Variants in CRTAM observed in about 807,000 individuals in gnomAD.
The protein encoded by CRTAM is cytotoxic and regulatory T-cell molecule.
Under a neutral mutation model 50.0 loss-of-function variants are expected in CRTAM, and 44 were observed. That is an observed-to-expected ratio of 0.88 (90% CI 0.69 to 1.13). CRTAM has a LOEUF of 1.13. Among genes scored for constraint, CRTAM ranks in the 50% most tolerant of loss-of-function variants. The pLI is 0.00. For missense variants in CRTAM, 448 were observed against 457.5 expected, an observed-to-expected ratio of 0.98 and a Z score of 0.19; for synonymous variants, 159 against 169.3, an observed-to-expected ratio of 0.94 and a Z score of 0.47.
At chr11:122,850,794 G>A (rs1861920710) in intron 2 of CRTAM, among the ~76,000 whole-genome samples, 3 of 152,220 alleles carry the variant, frequency 2.0e-5, no homozygotes, top group Admixed American at 2.0e-4. Context: ...AGTACAAGAT[G>A]TCTGAGATGG....
chr11:122,871,056 G>GT (rs1405394152), intron 9 of CRTAM, among the ~76,000 whole-genome samples: 4 of 152,014 alleles, frequency 2.6e-5, no homozygotes, highest in Admixed American at 6.5e-5. Context: ...TTCAGCCTGG[G>GT]TGGCAGAGTG....
At chr11:122,849,960 G>C (rs1861909074) in intron 1 of CRTAM, 108 bp from the exon 2 acceptor site, 2 of 1,092,024 alleles carry the variant, frequency 1.8e-6, no homozygotes, top group Non-Finnish European at 2.5e-6. Flanking sequence ...CTTATTTTTT[G>C]GTTTCTAGAA....
rs1862254567 is a variant in CRTAM, at chr11:122,871,565, T to A, written c.*166T>A. ...CTGCCCCGGAGCTAGGGCAGCAACA[T>A]GAGGACCAAACCATGCACATAAAGC... On this transcript the variant is annotated 3_prime_UTR_variant, in exon 10 of 10. Transcript: ENST00000227348. 2.0e-6 allele frequency: 1 copy of A among 505,076 alleles called. No individual in the cohort carries two copies. The highest frequency in any genetic ancestry group is 2.0e-5 in the African/African-American group (1 of 50,796). The allele number at this position is 505,076 out of a possible 1,614,324, so 31.3% of individuals were successfully genotyped here.
At chr11:122,855,239 C>T (rs1370744477) in intron 4 of CRTAM, among the ~76,000 whole-genome samples, 6 of 152,142 alleles carry the variant, frequency 3.9e-5, no homozygotes, top group African/African-American at 1.2e-4. Context: ...CCACTGCGCC[C>T]GGCCTGTAAT....
At chr11:122,844,728 G>T (rs370917701) in intron 1 of CRTAM, among the ~76,000 whole-genome samples, 2 of 152,340 alleles carry the variant, frequency 1.3e-5, no homozygotes, top group East Asian at 3.8e-4. Context: ...CATCAAGACA[G>T]TACACAAGAA....
chr11:122,841,988 G>A (rs1014632928), intron 1 of CRTAM, among the ~76,000 whole-genome samples: 2 of 152,210 alleles, frequency 1.3e-5, no homozygotes, highest in Non-Finnish European at 2.9e-5. Context: ...GTTGAGTCTT[G>A]AGTTGGGTCT....
chr11:122,857,792 A>C lies in CRTAM; in HGVS notation c.652+1936A>C, dbSNP rs189576154. Among the ~76,000 whole-genome samples the C allele has an allele frequency of 4.7e-4, 72 of 152,342 alleles. 1 individual carries two copies. Among genetic ancestry groups the C allele is most frequent in the Admixed American group, 1.8e-3 (28 of 15,302 alleles). On this transcript the variant is annotated intron_variant, in intron 5 of 9. Coordinates refer to ENST00000227348, the MANE Select transcript of CRTAM (RefSeq NM_019604.4). ...GTAAAGTGAGGGTCATGCCAGCACC[A>C]GGACTAGGGTGGTCCTGAGGAAAGA...
intron 5 of CRTAM, among the ~76,000 whole-genome samples, chr11:122,856,936 A>ACTG (rs1565290533): frequency 1.8e-5 from 2 of 113,510 alleles, no homozygotes; most frequent in Non-Finnish European, 3.6e-5. Flanking sequence ...CCACGCCTCC[A>ACTG]CCTCCAGCAG....
intron 1 of CRTAM, among the ~76,000 whole-genome samples, chr11:122,846,509 G>A (rs753267188): frequency 3.3e-5 from 5 of 151,870 alleles, no homozygotes; most frequent in African/African-American, 9.7e-5. Flanking sequence ...GGCTGGTCTC[G>A]AACTCCTGAC....
chr11:122,864,598 T>G, intron 6 of CRTAM, 38 bp from the exon 7 acceptor site: 1 of 1,422,592 alleles, frequency 7.0e-7, no homozygotes, highest in Non-Finnish European at 9.9e-7. Context: ...ATGTATATAA[T>G]GCATGCATAG....
At chr11:122,870,125 G>A (rs1180327527) in intron 9 of CRTAM, among the ~76,000 whole-genome samples, 1 of 152,050 alleles carries the variant, frequency 6.6e-6, no homozygotes, top group Non-Finnish European at 1.5e-5. Context: ...CTGTTGCCCA[G>A]GCTGGAGTGC....
rs1001473220 is a variant in CRTAM, at chr11:122,863,349, G to A, written c.733+805G>A. On this transcript the variant is annotated intron_variant, in intron 6 of 9. Transcript: ENST00000227348. Reference sequence around the variant, plus strand: ...AGAAAGAAAGAAAGAAAGAAAGAAAGAAAAAGAAAGAAAGAAAGAAAAAGA... The same window carrying A: ...AGAAAGAAAGAAAGAAAGAAAGAAAAAAAAAGAAAGAAAGAAAGAAAAAGA... Among the ~76,000 whole-genome samples, 151 of 43,502 alleles carry A rather than the reference G, an allele frequency of 3.5e-3. 2 individuals carry two copies. The highest frequency in any genetic ancestry group is 7.2e-3 in the African/African-American group (149 of 20,572). 28.5% of individuals were successfully genotyped at this position (43,502 alleles called of 152,430 possible). A position where few individuals can be genotyped will look rare whatever the true frequency, so the allele number is the denominator to read the frequency against.
At chr11:122,851,918 C>A in intron 3 of CRTAM, 73 bp downstream of exon 3, 4 of 1,392,736 alleles carry the variant, frequency 2.9e-6, no homozygotes, top group Non-Finnish European at 4.0e-6. Flanking sequence ...TTAAACTGAA[C>A]CTTTTAGTTT....
At chr11:122,863,365 AAGAAAAAG>A (rs1488541881) in intron 6 of CRTAM, among the ~76,000 whole-genome samples, 9 of 151,766 alleles carry the variant, frequency 5.9e-5, no homozygotes, top group African/African-American at 9.7e-5. Context: ...GAAAGAAAGA[AAGAAAAAG>A]AAAGAAAGAA....
chr11:122,853,266 C>G (rs1861958120), intron 3 of CRTAM, among the ~76,000 whole-genome samples: 1 of 151,804 alleles, frequency 6.6e-6, no homozygotes, highest in Non-Finnish European at 1.5e-5. Context: ...TGGGGTTTCA[C>G]CATGTTGGTT....
intron 5 of CRTAM, among the ~76,000 whole-genome samples, chr11:122,861,390 A>G (rs1391297256): frequency 6.0e-4 from 13 of 21,658 alleles, no homozygotes; most frequent in Admixed American, 1.5e-3. Context: ...ATATACGTAT[A>G]TATATATATA....
chr11:122,839,021 C>T (rs1411440188), intron 1 of CRTAM, among the ~76,000 whole-genome samples: 5 of 152,120 alleles, frequency 3.3e-5, no homozygotes, highest in South Asian at 2.1e-4. Flanking sequence ...CTCCGCCTCC[C>T]GGGTTCACGC....
rs115204799 is a variant in CRTAM, at chr11:122,864,794, G to T, written c.817+75G>T. ...TTAATCGATAAATTCAATGGCCTTT[G>T]TCAGTCCTCCCTTTTCTTGACCTTT... On this transcript the variant is annotated intron_variant, in intron 7 of 9. Transcript: ENST00000227348. 7 of 1,074,514 alleles carry T rather than the reference G, an allele frequency of 6.5e-6. No homozygotes were observed. The African/African-American group carries it at 9.4e-5, about 14-fold the overall frequency. 66.6% of individuals were successfully genotyped at this position (1,074,514 alleles called of 1,614,324 possible).
At chr11:122,855,213 G>A (rs1472726448) in intron 4 of CRTAM, among the ~76,000 whole-genome samples, 1 of 152,126 alleles carries the variant, frequency 6.6e-6, no homozygotes, top group Non-Finnish European at 1.5e-5. Context: ...CAGAGTGCTG[G>A]GATTACAGGC....
Sources: allele counts gnomAD v4.1 joint callset (sites outside exome capture counted in the v4.1 genomes callset), GRCh38; gene constraint gnomAD v4.1.1; transcripts MANE v1.5; gene names NCBI Gene and HGNC (gene_info 2026-07-23, HGNC 2026-07-21).